TMEFF2: variants seen among roughly 807,000 people sequenced by gnomAD.
The protein encoded by TMEFF2 is transmembrane protein with EGF like and two follistatin like domains 2, also known as tomoregulin-2.
A neutral mutation model predicts 53.8 loss-of-function variants in TMEFF2; 28 were observed. The ratio of observed to expected loss-of-function variants is 0.52; its 90% CI spans 0.39 to 0.71. TMEFF2 has a LOEUF of 0.71. TMEFF2 is among the 30% of genes least tolerant of loss of function. The pLI, the probability that TMEFF2 is intolerant of heterozygous loss-of-function variation, is 0.00. For synonymous variants in TMEFF2, 162 were observed against 166.3 expected, an observed-to-expected ratio of 0.97 and a Z score of 0.20; for missense variants, 353 against 455.2, an observed-to-expected ratio of 0.78 and a Z score of 2.04.
Position 192,117,265 on chromosome 2 carries a change from T to A in TMEFF2, c.440-59490A>T, listed in dbSNP as rs370291663. ...AACTATACGTGATACTAGAATTTAT[T>A]TCTGAGACCTATAATCAACTCAATG... is the stretch of plus-strand genomic sequence containing the variant. On this transcript the variant is annotated intron_variant, in intron 4 of 9. Coordinates refer to ENST00000272771, the MANE Select transcript of TMEFF2 (RefSeq NM_016192.4). 2.2e-4 allele frequency among the ~76,000 whole-genome samples: 33 copies of A among 152,278 alleles called. No individual in the cohort carries two copies. In the South Asian group the frequency reaches 6.2e-3, roughly 29 times the overall value.
At chr2:192,160,127 T>C (rs1472129463) in intron 4 of TMEFF2, among the ~76,000 whole-genome samples, 1 of 152,138 alleles carries the variant, frequency 6.6e-6, no homozygotes, top group East Asian at 1.9e-4. Flanking sequence ...GCCTCTTAGG[T>C]GGAGCAAATA....
intron 5 of TMEFF2, among the ~76,000 whole-genome samples, chr2:192,012,184 T>G (rs1240395142): frequency 6.6e-6 from 1 of 152,260 alleles, no homozygotes. Context: ...ATTACAGGCG[T>G]GAGCCACTGC....
At chr2:192,070,344 G>T (rs1405012827) in intron 4 of TMEFF2, among the ~76,000 whole-genome samples, 2 of 151,508 alleles carry the variant, frequency 1.3e-5, no homozygotes, top group African/African-American at 4.8e-5. Flanking sequence ...TGTTTTGTAG[G>T]GCTTCACTGC....
In TMEFF2 at chr2:191,949,080, A is replaced by C; in HGVS notation, c.*1231T>G. On this transcript the variant is annotated 3_prime_UTR_variant, in exon 10 of 10. Coordinates refer to ENST00000272771, the MANE Select transcript of TMEFF2 (RefSeq NM_016192.4). ...GACAAAGAGAGCTTTATTTAAATTT[A>C]CTGTGTTAGCCATGGAAAGCTTTGC... 1 of 984,982 alleles carries C rather than the reference A, an allele frequency of 1.0e-6. No homozygotes were observed. Among genetic ancestry groups the C allele is most frequent in the Non-Finnish European group, 1.2e-6 (1 of 829,724 alleles). The allele number at this position is 984,982 out of a possible 1,614,324, so 61.0% of individuals were successfully genotyped here.
chr2:192,164,333 C>T (rs1690703066), intron 4 of TMEFF2, among the ~76,000 whole-genome samples: 1 of 152,162 alleles, frequency 6.6e-6, no homozygotes, highest in South Asian at 2.1e-4. Flanking sequence ...TGCCTCTGAT[C>T]TTTGTGTACC....
rs978714312 is a variant in TMEFF2, at chr2:192,194,108, A to G, written c.172+245T>C. Among the ~76,000 whole-genome samples the G allele has an allele frequency of 6.6e-6, 1 of 152,148 alleles. No homozygotes were observed. The highest frequency in any genetic ancestry group is 6.5e-5 in the Admixed American group (1 of 15,272). ...ATTTCTCAAAATCCTCGCAGCTCCA[A>G]TGTAAGCGCAAGCATGCAAAGGTTT... On this transcript the variant is annotated intron_variant, in intron 1 of 9. Coordinates refer to ENST00000272771, the MANE Select transcript of TMEFF2 (RefSeq NM_016192.4). The surrounding 1 kb of genome is among the most constrained non-coding windows in gnomAD (Gnocchi z 4.2).
chr2:191,958,455 T>A (rs778331597), intron 7 of TMEFF2, among the ~76,000 whole-genome samples: 6 of 152,240 alleles, frequency 3.9e-5, no homozygotes, highest in African/African-American at 1.4e-4. Flanking sequence ...CAAAAGAATG[T>A]CAAGAATTTT....
intron 5 of TMEFF2, among the ~76,000 whole-genome samples, chr2:192,015,551 A>C (rs1298381845): frequency 6.6e-6 from 1 of 152,172 alleles, no homozygotes; most frequent in Non-Finnish European, 1.5e-5. Context: ...AGAAAGCACA[A>C]GCCTTTAAAA....
chr2:192,036,188 A>C (rs754944667), intron 5 of TMEFF2: 32 of 152,200 alleles, frequency 2.1e-4, no homozygotes, highest in Non-Finnish European at 2.2e-4. Flanking sequence ...GAAGCCACAA[A>C]TTAAATATAA....
chr2:192,145,635 CTG>C (rs1322208024), intron 4 of TMEFF2, among the ~76,000 whole-genome samples: 1 of 151,916 alleles, frequency 6.6e-6, no homozygotes, highest in South Asian at 2.1e-4. Context: ...GAGTAAATTT[CTG>C]TGTGAGAAGA....
At chr2:192,088,063 G>A (rs1039528857) in intron 4 of TMEFF2, among the ~76,000 whole-genome samples, 2 of 152,140 alleles carry the variant, frequency 1.3e-5, no homozygotes, top group African/African-American at 2.4e-5. Flanking sequence ...AGAAACTGCA[G>A]CATTTCAGTG....
At chr2:192,015,741 T>C (rs1686730143) in intron 5 of TMEFF2, among the ~76,000 whole-genome samples, 1 of 152,204 alleles carries the variant, frequency 6.6e-6, no homozygotes, top group African/African-American at 2.4e-5. Context: ...CATGTGATTT[T>C]ACTTGGTATC....
chr2:192,110,644 A>T (rs1007538283), intron 4 of TMEFF2, among the ~76,000 whole-genome samples: 3 of 152,226 alleles, frequency 2.0e-5, no homozygotes, highest in Non-Finnish European at 4.4e-5. Context: ...TTGCAATTCT[A>T]GCACATCTCT....
At chr2:192,080,885 CATT>C (rs1325839664) in intron 4 of TMEFF2, among the ~76,000 whole-genome samples, 9 of 151,242 alleles carry the variant, frequency 6.0e-5, no homozygotes, top group Non-Finnish European at 1.5e-5. Flanking sequence ...TTTTGCAAAA[CATT>C]ATATGTAATT....
intron 4 of TMEFF2, among the ~76,000 whole-genome samples, chr2:192,093,163 G>A (rs376839999): frequency 2.6e-5 from 4 of 152,230 alleles, no homozygotes; most frequent in African/African-American, 7.2e-5. Flanking sequence ...TAAGACAGAT[G>A]CTCTCCTTAC....
At chr2:192,037,278 A>AAAGG (rs1687325926) in intron 5 of TMEFF2, among the ~76,000 whole-genome samples, 1 of 102,946 alleles carries the variant, frequency 9.7e-6, no homozygotes, top group East Asian at 2.5e-4. Flanking sequence ...CAAAATAAAG[A>AAAGG]AAGAAAGAAA....
At chr2:192,174,064 G>C (rs867634383) in intron 4 of TMEFF2, among the ~76,000 whole-genome samples, 1 of 151,728 alleles carries the variant, frequency 6.6e-6, no homozygotes, top group Non-Finnish European at 1.5e-5. Flanking sequence ...GAAACTGAGA[G>C]CAAAAATCAA....
At chr2:192,050,965 C>T (rs773153300) in intron 5 of TMEFF2, among the ~76,000 whole-genome samples, 10 of 152,172 alleles carry the variant, frequency 6.6e-5, no homozygotes, top group South Asian at 4.2e-4. Context: ...CTCCCCACCC[C>T]GAAACATTTT....
intron 4 of TMEFF2, among the ~76,000 whole-genome samples, chr2:192,063,462 CT>C (rs1412946489): frequency 6.6e-6 from 1 of 151,678 alleles, no homozygotes; most frequent in Non-Finnish European, 1.5e-5. Flanking sequence ...ATTGTAACTT[CT>C]TTTATGGCCC....
Sources: allele counts gnomAD v4.1 joint callset (sites outside exome capture counted in the v4.1 genomes callset), GRCh38; gene constraint gnomAD v4.1.1; non-coding constraint Gnocchi (gnomAD v3.1); transcripts MANE v1.5; gene names NCBI Gene and HGNC (gene_info 2026-07-23, HGNC 2026-07-21).